STMN1: variants seen among roughly 807,000 people sequenced by gnomAD.
STMN1 encodes stathmin 1, also known as stathmin.
A neutral mutation model predicts 19.7 loss-of-function variants in STMN1; 3 were observed. The ratio of observed to expected loss-of-function variants is 0.15; its 90% CI spans 0.07 to 0.39. The LOEUF is 0.39. Ranked by LOEUF, STMN1 falls within the 10% of genes least tolerant of loss-of-function variation. The pLI is 1.00. For missense variants in STMN1, 99 were observed against 176.0 expected, an observed-to-expected ratio of 0.56 and a Z score of 2.48; for synonymous variants, 59 against 58.9, an observed-to-expected ratio of 1.00 and a Z score of -0.01.
At chr1:25,902,603 A>G (rs1454300231) in intron 3 of STMN1, 2 of 152,360 alleles carry the variant, frequency 1.3e-5, no homozygotes, top group Admixed American at 6.5e-5. Flanking sequence ...CACTGGTTCT[A>G]TTGATTCTCT....
chr1:25,899,635 T>C (rs945350866), downstream of STMN1, among the ~76,000 whole-genome samples: 1 of 152,176 alleles, frequency 6.6e-6, no homozygotes, highest in Admixed American at 6.5e-5. Flanking sequence ...TAGCCTCTGG[T>C]TGAAAACAGT....
chr1:25,892,386 T>G (rs1236147303), intron 4 of STMN1: 1 of 359,024 alleles, frequency 2.8e-6, no homozygotes, highest in Non-Finnish European at 3.9e-6. Flanking sequence ...AAGACTTTTT[T>G]TTTTTTTTTT....
chr1:25,892,563 C>T, intron 4 of STMN1: 12 of 960,406 alleles, frequency 1.2e-5, no homozygotes, highest in Non-Finnish European at 1.5e-5. Flanking sequence ...ACGGCTGAGC[C>T]GCTGAGCCGC....
chr1:25,891,374 T>C (rs1400744295), intron 4 of STMN1, among the ~76,000 whole-genome samples: 5 of 151,262 alleles, frequency 3.3e-5, no homozygotes, highest in Non-Finnish European at 5.9e-5. Context: ...AAAATGCCTA[T>C]ACAATGCACG....
chr1:25,887,780 G>A (rs1226242455), intron 4 of STMN1, among the ~76,000 whole-genome samples: 1 of 152,146 alleles, frequency 6.6e-6, no homozygotes, highest in East Asian at 1.9e-4. Context: ...TCCGCCTCCC[G>A]AGTTCAAGTG....
intron 4 of STMN1, among the ~76,000 whole-genome samples, chr1:25,892,280 T>C (rs1316960511): frequency 6.6e-6 from 1 of 151,776 alleles, no homozygotes; most frequent in African/African-American, 2.4e-5. Flanking sequence ...TCCCAGCTAC[T>C]TGGGAGGCTG....
downstream of STMN1, among the ~76,000 whole-genome samples, chr1:25,895,174 C>T (rs1193330748): frequency 4.0e-5 from 6 of 148,404 alleles, no homozygotes; most frequent in African/African-American, 1.5e-4. Context: ...GTGATCTATG[C>T]TCACTGCAAC....
chr1:25,891,685 C>G (rs1052388720), intron 4 of STMN1, among the ~76,000 whole-genome samples: 5 of 152,204 alleles, frequency 3.3e-5, no homozygotes, highest in Non-Finnish European at 5.9e-5. Context: ...GAGGCAAGTA[C>G]AGAGAGGCGG....
downstream of STMN1, among the ~76,000 whole-genome samples, chr1:25,895,609 T>A (rs2048812832): frequency 6.6e-6 from 1 of 152,252 alleles, no homozygotes; most frequent in Non-Finnish European, 1.5e-5. Flanking sequence ...CAGAGTCCGC[T>A]GACGGCCGCT....
At chr1:25,890,584 G>A (rs1478874349) in intron 4 of STMN1, among the ~76,000 whole-genome samples, 2 of 152,244 alleles carry the variant, frequency 1.3e-5, no homozygotes, top group Non-Finnish European at 2.9e-5. Context: ...GTTGGCTCCA[G>A]GTTTCCGGCA....
intron 4 of STMN1, among the ~76,000 whole-genome samples, chr1:25,893,284 T>G (rs2048792136): frequency 6.6e-6 from 1 of 152,240 alleles, no homozygotes; most frequent in Admixed American, 6.5e-5. Context: ...AGTAAAAGTT[T>G]GTATGCTGGC....
chr1:25,891,484 A>G (rs775001138), intron 4 of STMN1, among the ~76,000 whole-genome samples: 9 of 152,208 alleles, frequency 5.9e-5, no homozygotes, highest in African/African-American at 9.7e-5. Context: ...CAGATGTCCC[A>G]GTCCCCTGGG....
intron 4 of STMN1, among the ~76,000 whole-genome samples, chr1:25,886,747 C>T (rs1440006903): frequency 2.0e-5 from 3 of 152,004 alleles, no homozygotes; most frequent in African/African-American, 7.3e-5. Context: ...TGCCACCACA[C>T]CTAGCTAATA....
intron 4 of STMN1, among the ~76,000 whole-genome samples, chr1:25,892,995 C>A (rs1482743126): frequency 6.6e-6 from 1 of 152,220 alleles, no homozygotes; most frequent in African/African-American, 2.4e-5. Flanking sequence ...CTTAATACTT[C>A]TGTAAAATTT....
downstream of STMN1, among the ~76,000 whole-genome samples, chr1:25,898,157 A>G (rs2048836175): frequency 6.6e-6 from 1 of 152,252 alleles, no homozygotes; most frequent in African/African-American, 2.4e-5. Context: ...TTAGAATAAA[A>G]AAATGGGGAG....
At chr1:25,901,273 G>T in intron 4 of STMN1, 186 bp from the exon 5 acceptor site, 1 of 1,225,072 alleles carries the variant, frequency 8.2e-7, no homozygotes, top group Non-Finnish European at 1.1e-6. Flanking sequence ...GTCCCTTGTA[G>T]AACCTAACAA....
chr1:25,904,956 A>C, intron 1 of STMN1: 1 of 372,742 alleles, frequency 2.7e-6, no homozygotes, highest in Non-Finnish European at 4.8e-6. Context: ...AAGTTAACTG[A>C]GCTTTCTCGG....
At chr1:25,892,449 A>G (rs1427821720) in intron 4 of STMN1, 12 of 642,998 alleles carry the variant, frequency 1.9e-5, no homozygotes, top group Non-Finnish European at 2.3e-5. Context: ...AAAGGCCTGT[A>G]TTTGAGACCA....
rs917635527 is a variant in STMN1 at position 25,906,131 on chromosome 1, C to T, written c.-63+258G>A. The stretch of plus-strand genomic sequence containing the variant: ...GCCCCCTATTGTCTCCTCGACGGCA[C>T]CCCGGAGCGGACGCCCGGTGATCGC... On this transcript the variant is annotated intron_variant, in intron 1 of 4. Coordinates refer to ENST00000455785, the MANE Select transcript of STMN1 (RefSeq NM_005563.4). The surrounding 1 kb of genome is among the most constrained non-coding windows in gnomAD (Gnocchi z 4.5). 1 of 152,300 alleles carries T rather than the reference C, an allele frequency of 6.6e-6. No homozygotes were observed. The highest frequency in any genetic ancestry group is 6.5e-5 in the Admixed American group (1 of 15,290). The allele number at this position is 152,300 out of a possible 1,614,324, so 9.4% of individuals were successfully genotyped here. A position where few individuals can be genotyped will look rare whatever the true frequency, so the allele number is the denominator to read the frequency against.
Sources: allele counts gnomAD v4.1 joint callset (sites outside exome capture counted in the v4.1 genomes callset), GRCh38; gene constraint gnomAD v4.1.1; non-coding constraint Gnocchi (gnomAD v3.1); transcripts MANE v1.5; gene names NCBI Gene and HGNC (gene_info 2026-07-23, HGNC 2026-07-21).